The following IPPK variants were observed in gnomAD, a reference collection of about 807,000 sequenced individuals.
The protein encoded by IPPK is inositol-pentakisphosphate 2-kinase.
Under a neutral mutation model 64.6 loss-of-function variants are expected in IPPK, and 22 were observed. The ratio of observed to expected loss-of-function variants is 0.34; its 90% confidence interval spans 0.24 to 0.49. The LOEUF (loss-of-function observed/expected upper bound fraction) is 0.49, where lower values mean the gene tolerates loss of function less well. Among genes scored for constraint, IPPK ranks in the 20% least tolerant of loss-of-function variants. The pLI is 0.99. For missense variants in IPPK, 532 were observed against 630.7 expected (o/e 0.84, Z 1.68); for synonymous variants, 262 against 247.2 (o/e 1.06, Z -0.56).
chr9:92,654,656 A>G (rs1233965321), intron 3 of IPPK, among the ~76,000 whole-genome samples: 1 of 152,226 alleles, frequency 6.6e-6, no homozygotes, highest in Non-Finnish European at 1.5e-5. Context: ...AGAGGACCAG[A>G]GGGAAAGCCC....
At position 92,619,638 on chromosome 9, in the gene IPPK, G is replaced by A. The variant is rs1588331012; in HGVS notation, c.1171-73C>T. ...CCCCCCCACACAACCTTCCTTCCCA[G>A]TAGCCAAGTGTGGGAACTGCTTCCT... On this transcript the variant is annotated intron_variant, in intron 11 of 12. Transcript: ENST00000287996. 4 of 1,319,396 alleles carry A rather than the reference G, an allele frequency of 3.0e-6. No homozygotes were observed. In the East Asian group the frequency reaches 7.6e-5, roughly 25 times the overall value. 81.7% of individuals were successfully genotyped at this position (1,319,396 alleles called of 1,614,324 possible).
intron 1 of IPPK, among the ~76,000 whole-genome samples, chr9:92,661,037 A>T (rs1191987077): frequency 6.6e-6 from 1 of 152,212 alleles, no homozygotes; most frequent in Non-Finnish European, 1.5e-5. Context: ...TCTTCCTGCT[A>T]GCACTTATTA....
intron 12 of IPPK, chr9:92,619,206 G>A (rs543282436): frequency 1.0e-4 from 39 of 386,850 alleles, no homozygotes; most frequent in Admixed American, 1.0e-3. Context: ...TGTCCACATT[G>A]TTTCTGAGCT....
At chr9:92,651,872 C>A (rs1052717712) in intron 4 of IPPK, among the ~76,000 whole-genome samples, 1 of 152,052 alleles carries the variant, frequency 6.6e-6, no homozygotes, top group African/African-American at 2.4e-5. Flanking sequence ...CCCGCCACTA[C>A]GCCCAGCTAA....
At chr9:92,646,591 G>A (rs1852154496) in intron 6 of IPPK, among the ~76,000 whole-genome samples, 1 of 152,190 alleles carries the variant, frequency 6.6e-6, no homozygotes, top group Non-Finnish European at 1.5e-5. Flanking sequence ...AAAATGTATG[G>A]GATGAAGAGA....
rs567900413 is a variant in IPPK, at chr9:92,617,703, G to A, written c.1251-1646C>T. On this transcript the variant is annotated intron_variant, in intron 12 of 12. Coordinates refer to ENST00000287996, the MANE Select transcript of IPPK (RefSeq NM_022755.6). ...ACCGGGGGACCAGCAGCCTCCAAGG[G>A]TGCTGGGGATCGGGGTGGAGAAGCC... is the stretch of plus-strand genomic sequence containing the variant. The A allele has an allele frequency of 6.8e-3, 1,078 of 157,818 alleles. 2 individuals are homozygous for A. Among genetic ancestry groups the A allele is most frequent in the Admixed American group, 9.5e-3 (156 of 16,392 alleles). 9.8% of individuals were successfully genotyped at this position (157,818 alleles called of 1,614,324 possible). A position where few individuals can be genotyped will look rare whatever the true frequency, so the allele number is the denominator to read the frequency against.
In IPPK at chr9:92,669,891, G is replaced by T; in HGVS notation, c.81+17C>A. ...CGGAGTGAGGTACCGGACCTGCGCC[G>T]CACGTCCACCGCTCACCTGCGCGTG... On this transcript the variant is annotated intron_variant, in intron 1 of 12. Transcript: ENST00000287996. 1 of 1,599,356 alleles carries T rather than the reference G, an allele frequency of 6.3e-7. No homozygotes were observed. The highest frequency in any genetic ancestry group is 8.6e-7 in the Non-Finnish European group (1 of 1,168,800).
intron 10 of IPPK, among the ~76,000 whole-genome samples, chr9:92,634,941 G>C (rs913715601): frequency 6.6e-6 from 1 of 152,234 alleles, no homozygotes; most frequent in African/African-American, 2.4e-5. Context: ...GGTCACAGAC[G>C]TGCTTTCTTT....
intron 11 of IPPK, 164 bp from the exon 12 acceptor site, chr9:92,619,729 CCTGTGA>C (rs1157300928): frequency 7.7e-6 from 5 of 648,222 alleles, no homozygotes; most frequent in African/African-American, 7.1e-5. Flanking sequence ...AGGAGGTCGC[CCTGTGA>C]GAGCACCTGG....
intron 8 of IPPK, among the ~76,000 whole-genome samples, chr9:92,638,885 T>G (rs2131438635): frequency 6.6e-6 from 1 of 152,298 alleles, no homozygotes; most frequent in East Asian, 1.9e-4. Flanking sequence ...ACACTTAGAT[T>G]CACACATTCC....
intron 11 of IPPK, among the ~76,000 whole-genome samples, chr9:92,628,352 C>T (rs1459226881): frequency 1.3e-5 from 2 of 152,120 alleles, no homozygotes; most frequent in African/African-American, 4.8e-5. Flanking sequence ...ACAAGAGGCT[C>T]CAAATAGTCA....
chr9:92,648,846 A>T (rs1852200202), intron 5 of IPPK, among the ~76,000 whole-genome samples: 1 of 152,202 alleles, frequency 6.6e-6, no homozygotes, highest in South Asian at 2.1e-4. Context: ...CAGAGAGCTG[A>T]AGCAAGGGGG....
chr9:92,619,310 A>C (rs974692766), intron 12 of IPPK, 176 bp downstream of exon 12: 9 of 580,294 alleles, frequency 1.6e-5, no homozygotes, highest in Non-Finnish European at 1.2e-5. Flanking sequence ...CTGAATTACA[A>C]GCTTCTAGAG....
chr9:92,641,604 G>A (rs1181762924), intron 7 of IPPK, among the ~76,000 whole-genome samples: 1 of 152,246 alleles, frequency 6.6e-6, no homozygotes, highest in Non-Finnish European at 1.5e-5. Context: ...TGAAGCCATG[G>A]AGTGAGCGGT....
intron 11 of IPPK, chr9:92,619,822 C>A: frequency 1.9e-6 from 1 of 521,772 alleles, no homozygotes; most frequent in Admixed American, 3.1e-5. Flanking sequence ...GTGTGGGACC[C>A]CGACTCCAGA....
At chr9:92,634,555 A>G (rs974409516) in intron 10 of IPPK, 67 bp from the exon 11 acceptor site, 9 of 1,097,720 alleles carry the variant, frequency 8.2e-6, no homozygotes, top group Non-Finnish European at 1.3e-5. Flanking sequence ...TAAACTGCTA[A>G]CAGTCTACAA....
At chr9:92,660,415 G>A (rs766105568) in intron 1 of IPPK, among the ~76,000 whole-genome samples, 15 of 152,158 alleles carry the variant, frequency 9.9e-5, no homozygotes, top group Non-Finnish European at 1.9e-4. Context: ...GGCAAACCCC[G>A]CCACCCACAG....
intron 11 of IPPK, among the ~76,000 whole-genome samples, chr9:92,624,169 C>T (rs1305084906): frequency 1.7e-4 from 26 of 152,098 alleles, no homozygotes; most frequent in Admixed American, 1.7e-3. Context: ...GACTGCATCT[C>T]TACAAAACAT....
At chr9:92,657,241 C>G (rs573262722) in intron 2 of IPPK, among the ~76,000 whole-genome samples, 10 of 152,194 alleles carry the variant, frequency 6.6e-5, no homozygotes, top group African/African-American at 2.2e-4. Flanking sequence ...CCCAGCTACT[C>G]AGGAGACTGA....
Sources: gnomAD v4.1 joint callset for allele counts (sites outside exome capture counted in the v4.1 genomes callset) on GRCh38, gnomAD v4.1.1 for gene constraint, MANE v1.5 for transcripts, NCBI Gene and HGNC (gene_info 2026-07-23, HGNC 2026-07-21) for gene names.